TSPAN5: variants seen among roughly 807,000 people sequenced by gnomAD.
The protein encoded by TSPAN5 is tetraspanin-5.
Under a neutral mutation model 37.1 loss-of-function variants are expected in TSPAN5, and 10 were observed. The ratio of observed to expected loss-of-function variants is 0.27; its 90% CI spans 0.17 to 0.46. The LOEUF is 0.46. Ranked by LOEUF, TSPAN5 falls within the 20% of genes least tolerant of loss-of-function variation. The pLI is 1.00. For synonymous variants in TSPAN5, 110 were observed against 118.9 expected (o/e 0.93, Z 0.48); for missense variants, 195 against 326.6 (o/e 0.60, Z 3.11).
chr4:98,479,914 AT>A (rs1437580214), intron 4 of TSPAN5, among the ~76,000 whole-genome samples: 1 of 152,052 alleles, frequency 6.6e-6, no homozygotes, highest in African/African-American at 2.4e-5. Flanking sequence ...GAATTACTTC[AT>A]CCCCATGTGA....
chr4:98,564,707 T>C (rs1022816188), intron 1 of TSPAN5, among the ~76,000 whole-genome samples: 1 of 151,832 alleles, frequency 6.6e-6, no homozygotes, highest in Admixed American at 6.6e-5. Flanking sequence ...TTTTTTTTTT[T>C]CTTTTTTGAG....
At chr4:98,513,861 AATAGATAGATAG>A (rs56142906) in intron 1 of TSPAN5, among the ~76,000 whole-genome samples, 28,227 of 149,580 alleles carry the variant, frequency 0.19, 2,788 homozygotes, top group East Asian at 0.4. Flanking sequence ...ATAAAAAGCA[AATAGATAGATAG>A]ATAGATAGAT....
At chr4:98,477,023 C>T (rs1752717746) in intron 5 of TSPAN5, among the ~76,000 whole-genome samples, 1 of 152,222 alleles carries the variant, frequency 6.6e-6, no homozygotes, top group Non-Finnish European at 1.5e-5. Flanking sequence ...TTTTCCTTCT[C>T]TGCGGGGTGT....
intron 7 of TSPAN5, among the ~76,000 whole-genome samples, chr4:98,473,203 A>G (rs1055173820): frequency 2.6e-5 from 4 of 152,180 alleles, no homozygotes; most frequent in African/African-American, 9.7e-5. Flanking sequence ...TAGGAGTAGA[A>G]TTGCTGACTC....
chr4:98,506,816 C>T (rs1279850946), intron 2 of TSPAN5, among the ~76,000 whole-genome samples: 1 of 152,006 alleles, frequency 6.6e-6, no homozygotes, highest in Admixed American at 6.6e-5. Flanking sequence ...TTGTGTATAG[C>T]CAGATACAAG....
chr4:98,566,034 C>T (rs1006803627), intron 1 of TSPAN5, among the ~76,000 whole-genome samples: 1 of 152,132 alleles, frequency 6.6e-6, no homozygotes, highest in African/African-American at 2.4e-5. Context: ...GGAGAAGAAA[C>T]AGGCAGAGTA....
At chr4:98,524,876 C>T (rs952741177) in intron 1 of TSPAN5, among the ~76,000 whole-genome samples, 1 of 152,056 alleles carries the variant, frequency 6.6e-6, no homozygotes, top group African/African-American at 2.4e-5. Flanking sequence ...TTTTAAAAAT[C>T]TTTTTACTGT....
chr4:98,646,525 T>C (rs936190073), intron 1 of TSPAN5, among the ~76,000 whole-genome samples: 2 of 151,896 alleles, frequency 1.3e-5, no homozygotes, highest in South Asian at 2.1e-4. Flanking sequence ...CAGTACAAAA[T>C]ACTAATAGGA....
intron 1 of TSPAN5, among the ~76,000 whole-genome samples, chr4:98,540,802 C>T (rs867136329): frequency 9.9e-5 from 15 of 152,200 alleles, no homozygotes; most frequent in African/African-American, 3.4e-4. Context: ...CACTGCCAAT[C>T]TGTGTCTTCT....
intron 1 of TSPAN5, among the ~76,000 whole-genome samples, chr4:98,627,894 C>T (rs1756645915): frequency 6.6e-6 from 1 of 152,154 alleles, no homozygotes; most frequent in Non-Finnish European, 1.5e-5. Flanking sequence ...AAAACAACAG[C>T]ACTAGGTTAT....
At chr4:98,657,258 T>C (rs1757312166) in intron 1 of TSPAN5, among the ~76,000 whole-genome samples, 1 of 151,904 alleles carries the variant, frequency 6.6e-6, no homozygotes, top group Non-Finnish European at 1.5e-5. Flanking sequence ...TTACAATAGG[T>C]TCCCAACACA....
intron 1 of TSPAN5, among the ~76,000 whole-genome samples, chr4:98,509,047 A>G (rs1038517268): frequency 1.3e-5 from 2 of 152,202 alleles, no homozygotes; most frequent in South Asian, 2.1e-4. Flanking sequence ...TAAAAATCCA[A>G]TGATCAGGAC....
At chr4:98,476,540 T>C in intron 5 of TSPAN5, 80 bp from the exon 6 acceptor site, 1 of 1,329,968 alleles carries the variant, frequency 7.5e-7, no homozygotes, top group South Asian at 1.2e-5. Flanking sequence ...AAGACTTCTG[T>C]TACGCATTAG....
intron 1 of TSPAN5, among the ~76,000 whole-genome samples, chr4:98,577,804 G>T (rs577242993): frequency 6.6e-6 from 1 of 152,274 alleles, no homozygotes; most frequent in East Asian, 1.9e-4. Flanking sequence ...TCTAGAAATG[G>T]AGATACCCAT....
chr4:98,482,152 A>T lies in TSPAN5; in HGVS notation c.303T>A (p.Ile101=). The T allele has an allele frequency of 6.2e-7, 1 of 1,613,996 alleles. No homozygotes were observed. Among genetic ancestry groups the T allele is most frequent in the Non-Finnish European group, 8.5e-7 (1 of 1,179,946 alleles). The change falls in exon 4 of 8, where the codon ATT becomes ATA. Residue 101 remains isoleucine, a synonymous_variant. Coordinates refer to ENST00000305798, the MANE Select transcript of TSPAN5 (RefSeq NM_005723.4). ...CTCCGGCAGTGAGCTCCAGGAAGAA[A>T]ATAATTCCCAGGAACACAGAAAACT... is the stretch of plus-strand genomic sequence containing the variant. ...LKFFSVFLGI[I]FFLELTAGVL...
intron 1 of TSPAN5, among the ~76,000 whole-genome samples, chr4:98,656,258 G>A (rs1757291460): frequency 6.6e-6 from 1 of 152,126 alleles, no homozygotes; most frequent in Non-Finnish European, 1.5e-5. Flanking sequence ...AAACTGTCAG[G>A]GAAACAGACC....
intron 1 of TSPAN5, among the ~76,000 whole-genome samples, chr4:98,603,115 CAA>C (rs750967313): frequency 1.1e-4 from 16 of 152,176 alleles, no homozygotes; most frequent in Non-Finnish European, 2.2e-4. Context: ...CAAAAATTCT[CAA>C]AAGTCTCAGG....
At chr4:98,639,902 G>A (rs1756928193) in intron 1 of TSPAN5, among the ~76,000 whole-genome samples, 1 of 152,080 alleles carries the variant, frequency 6.6e-6, no homozygotes, top group African/African-American at 2.4e-5. Flanking sequence ...GACAGTTAAA[G>A]GAAAAGAAAG....
chr4:98,536,369 C>T (rs975171575), intron 1 of TSPAN5, among the ~76,000 whole-genome samples: 11 of 152,224 alleles, frequency 7.2e-5, no homozygotes, highest in Non-Finnish European at 1.6e-4. Flanking sequence ...GATCTTTCCT[C>T]AGGAAGCTTT....
Sources: gnomAD v4.1 joint callset for allele counts (sites outside exome capture counted in the v4.1 genomes callset) on GRCh38, gnomAD v4.1.1 for gene constraint, MANE v1.5 for transcripts, NCBI Gene and HGNC (gene_info 2026-07-23, HGNC 2026-07-21) for gene names.